Variants in DSCAML1 observed in about 807,000 individuals in gnomAD.
DSCAML1 encodes the protein DS cell adhesion molecule like 1, also known as cell adhesion molecule DSCAML1.
DSCAML1 carries 38 observed loss-of-function variants against 200.5 expected under a neutral mutation model. The ratio of observed to expected loss-of-function variants is 0.19; its 90% CI spans 0.15 to 0.25. The LOEUF (loss-of-function observed/expected upper bound fraction) is 0.25. Among genes scored for constraint, DSCAML1 ranks in the 10% least tolerant of loss-of-function variants. The pLI is 1.00. For missense variants in DSCAML1, 2,223 were observed against 2,858.8 expected (o/e 0.78, Z 5.07); for synonymous variants, 1,215 against 1,165.0 (o/e 1.04, Z -0.87).
intron 3 of DSCAML1, among the ~76,000 whole-genome samples, chr11:117,559,698 T>A (rs2050625885): frequency 1.3e-5 from 2 of 152,062 alleles, no homozygotes; most frequent in Admixed American, 1.3e-4. Context: ...TTTGGCTTGG[T>A]GGCATGAAGA....
intron 3 of DSCAML1, among the ~76,000 whole-genome samples, chr11:117,538,564 C>T (rs908194275): frequency 2.0e-5 from 3 of 152,206 alleles, no homozygotes; most frequent in Non-Finnish European, 4.4e-5. Context: ...TGAGGCCCTG[C>T]ACACAGGTGT....
Position 117,504,266 on chromosome 11 carries a change from C to T in DSCAML1, c.2183-245G>A, listed in dbSNP as rs2049450197. Reference sequence around the variant, plus strand: ...TGGGGTTGGGAGTCTCAGCTCAATGCCCACTTTGACACTGGCATGGAGCTT... The same window carrying T: ...TGGGGTTGGGAGTCTCAGCTCAATGTCCACTTTGACACTGGCATGGAGCTT... On this transcript the variant is annotated intron_variant, in intron 10 of 32. Transcript: ENST00000651296. The surrounding 1 kb of genome is among the most constrained non-coding windows in gnomAD (Gnocchi z 5.0). Among the ~76,000 whole-genome samples the T allele has an allele frequency of 6.6e-6, 1 of 152,200 alleles. No individual in the cohort carries two copies.
Position 117,501,242 on chromosome 11 carries a change from C to T in DSCAML1, c.2359+2603G>A, listed in dbSNP as rs567452290. Among the ~76,000 whole-genome samples, 499 of 151,934 alleles carry T rather than the reference C, an allele frequency of 3.3e-3. 5 individuals carry two copies. The highest frequency in any genetic ancestry group is 0.011 in the African/African-American group (476 of 41,400). Reference sequence around the variant, plus strand: ...AGGCTGTGCAGGGCAGTAGCTGGGGCGGGGGGTTACTTGGAACAGGCACCT... The same window carrying T: ...AGGCTGTGCAGGGCAGTAGCTGGGGTGGGGGGTTACTTGGAACAGGCACCT... On this transcript the variant is annotated intron_variant, in intron 11 of 32. Transcript: ENST00000651296.
intron 3 of DSCAML1, among the ~76,000 whole-genome samples, chr11:117,644,673 C>T (rs1278599459): frequency 1.3e-5 from 2 of 152,330 alleles, no homozygotes; most frequent in African/African-American, 4.8e-5. Flanking sequence ...CCGCGGAGTC[C>T]GCTCAGCCGT....
chr11:117,761,069 T>C (rs11216539), intron 3 of DSCAML1, among the ~76,000 whole-genome samples: 9,641 of 151,588 alleles, frequency 0.064, 441 homozygotes, highest in African/African-American at 0.12. Flanking sequence ...TACAAGGGGG[T>C]CTCATATCTG....
At chr11:117,452,730 A>C (rs1036239185) in intron 19 of DSCAML1, among the ~76,000 whole-genome samples, 2 of 152,128 alleles carry the variant, frequency 1.3e-5, no homozygotes, top group Admixed American at 6.5e-5. Flanking sequence ...AATAAAAAAT[A>C]TTCTATTTTC....
At position 117,439,313 on chromosome 11, in the gene DSCAML1, G is replaced by T. The variant is rs772073567; in HGVS notation, c.4097C>A (p.Thr1366Asn). The T allele has an allele frequency of 1.5e-5, 24 of 1,613,962 alleles. No individual in the cohort carries two copies. The highest frequency in any genetic ancestry group is 1.9e-5 in the Non-Finnish European group (23 of 1,180,016). ...EDSGYYTCTA[T>N]NTGGFDTIIV... is the part of the protein sequence containing the mutation. Reference sequence around the variant, plus strand: ...GATGGTGTCAAAGCCACCAGTGTTGGTGGCCGTGCACGTGTAGTAGCCAGA... The same window carrying T: ...GATGGTGTCAAAGCCACCAGTGTTGTTGGCCGTGCACGTGTAGTAGCCAGA... Residue 1366 changes from threonine (T) to asparagine (N), a missense_variant, in exon 23 of 33, where the codon ACC becomes AAC. Transcript: ENST00000651296.
In DSCAML1 at chr11:117,797,146, C is replaced by A. The variant is rs760081728; in HGVS notation, c.-67G>T. On this transcript the variant is annotated 5_prime_UTR_variant, in exon 1 of 33. Transcript: ENST00000651296. ...CCGGCCGTGCGGCAGCGCCTCTCCC[C>A]CGCTCAGCGCGCTCCCAGCCGCCCG... is the stretch of plus-strand genomic sequence containing the variant. 6.3e-7 allele frequency: 1 copy of A among 1,589,942 alleles called. No homozygotes were observed. Among genetic ancestry groups the A allele is most frequent in the Non-Finnish European group, 8.6e-7 (1 of 1,169,432 alleles).
chr11:117,747,899 T>G (rs1012587121), intron 3 of DSCAML1, among the ~76,000 whole-genome samples: 2 of 152,006 alleles, frequency 1.3e-5, no homozygotes, highest in African/African-American at 2.4e-5. Context: ...CAGGTTAAGC[T>G]AGGATGACTT....
At chr11:117,481,898 G>A in intron 12 of DSCAML1, 65 bp downstream of exon 12, 1 of 1,591,888 alleles carries the variant, frequency 6.3e-7, no homozygotes, top group Non-Finnish European at 8.6e-7. Flanking sequence ...ATGCAGATGT[G>A]ATAGCTGCGG....
chr11:117,732,293 G>A (rs562009426), intron 3 of DSCAML1, among the ~76,000 whole-genome samples: 74 of 152,158 alleles, frequency 4.9e-4, no homozygotes, highest in Non-Finnish European at 9.4e-4. Context: ...CAGGCACAAA[G>A]AGACCAAGAA....
chr11:117,433,425 G>A lies in DSCAML1; in HGVS notation c.4907+16C>T, dbSNP rs1309886201. 1 of 1,613,296 alleles carries A rather than the reference G, an allele frequency of 6.2e-7. No homozygotes were observed. The highest frequency in any genetic ancestry group is 1.1e-5 in the South Asian group (1 of 90,672). ...GGGAGAAGGGAGGAGAAAGGAAGCA[G>A]CTTGGTGATACCCACCTTATCAACA... is the stretch of plus-strand genomic sequence containing the variant. On this transcript the variant is annotated intron_variant, in intron 28 of 32. Transcript: ENST00000651296.
chr11:117,445,708 A>T (rs1321019017), intron 20 of DSCAML1, among the ~76,000 whole-genome samples: 1 of 152,220 alleles, frequency 6.6e-6, no homozygotes, highest in Non-Finnish European at 1.5e-5. Context: ...TGTGGAGAAC[A>T]GCTGAGTGTA....
At chr11:117,559,115 A>AG in intron 3 of DSCAML1, among the ~76,000 whole-genome samples, 1 of 145,798 alleles carries the variant, frequency 6.9e-6, no homozygotes, top group African/African-American at 2.5e-5. Flanking sequence ...AAAAAAAGAA[A>AG]AAGAAAGACA....
chr11:117,469,951 A>G lies in DSCAML1; in HGVS notation c.2983T>C (p.Leu995=), dbSNP rs774554662. The change falls in exon 16 of 33, where the codon TTG becomes CTG. Residue 995 remains leucine (L), a synonymous_variant. Coordinates refer to ENST00000651296, the MANE Select transcript of DSCAML1 (RefSeq NM_020693.4). This position sits in a 1 kb window ranked among gnomAD's most constrained non-coding sequence, Gnocchi z 4.1. ...APDGPPMDVT[L]QPVTSQSIQV... ...ATGCTCTGTGAGGTCACTGGCTGCA[A>G]GGTAACATCCATGGGGGGCCCATCG... The G allele has an allele frequency of 8.1e-6, 13 of 1,608,138 alleles. No homozygotes were observed. The highest frequency in any genetic ancestry group is 1.0e-5 in the Non-Finnish European group (12 of 1,176,162).
intron 1 of DSCAML1, among the ~76,000 whole-genome samples, chr11:117,796,130 G>A (rs1239541405): frequency 6.6e-6 from 1 of 152,218 alleles, no homozygotes; most frequent in Admixed American, 6.5e-5. Context: ...GGCTTCAGTC[G>A]GAAATGTCTG....
At chr11:117,688,813 C>T (rs1418300768) in intron 3 of DSCAML1, among the ~76,000 whole-genome samples, 4 of 152,234 alleles carry the variant, frequency 2.6e-5, no homozygotes, top group South Asian at 2.1e-4. Context: ...AATGCTATCC[C>T]GAGTTACACA....
At chr11:117,479,517 C>T (rs2048864035) in intron 14 of DSCAML1, among the ~76,000 whole-genome samples, 1 of 152,238 alleles carries the variant, frequency 6.6e-6, no homozygotes. Context: ...CTTGCCATTC[C>T]TGCCACCTGA....
At chr11:117,436,150 G>A (rs2047911057) in intron 26 of DSCAML1, among the ~76,000 whole-genome samples, 1 of 152,218 alleles carries the variant, frequency 6.6e-6, no homozygotes, top group African/African-American at 2.4e-5. Context: ...GGGGTGGGGA[G>A]AACAAAGGGT....
Sources: gnomAD v4.1 joint callset for allele counts (sites outside exome capture counted in the v4.1 genomes callset) on GRCh38, gnomAD v4.1.1 for gene constraint, Gnocchi (gnomAD v3.1) non-coding constraint, MANE v1.5 for transcripts, NCBI Gene and HGNC (gene_info 2026-07-23, HGNC 2026-07-21) for gene names.